The following TENM2 variants were observed in gnomAD, a reference collection of about 807,000 sequenced individuals.
TENM2 encodes teneurin-2.
TENM2 carries 52 observed loss-of-function variants against 245.2 expected under a neutral mutation model. The observed-to-expected ratio is 0.21, with a 90% CI of 0.17 to 0.27. TENM2 has a LOEUF of 0.27. Among genes scored for constraint, TENM2 ranks in the 10% least tolerant of loss-of-function variants. TENM2 has a pLI of 1.00. For synonymous variants in TENM2, 1,363 were observed against 1,438.9 expected (o/e 0.95, Z 1.19); for missense variants, 3,046 against 3,666.8 (o/e 0.83, Z 4.37).
intron 5 of TENM2, among the ~76,000 whole-genome samples, chr5:168,035,692 C>T (rs751974538): frequency 3.9e-5 from 6 of 152,070 alleles, no homozygotes; most frequent in Non-Finnish European, 8.8e-5. Context: ...GATCTGAGGG[C>T]ACCGATTCAA....
the TENM2 span, among the ~76,000 whole-genome samples, chr5:166,981,577 G>A: frequency 6.6e-6 from 1 of 152,152 alleles, no homozygotes; most frequent in African/African-American, 2.4e-5. Context: ...ACATGTGTAG[G>A]AAAAGATAAC....
the TENM2 span, among the ~76,000 whole-genome samples, chr5:167,005,655 GTTTTTTTTTTT>G: frequency 1.9e-5 from 1 of 52,976 alleles, no homozygotes; most frequent in African/African-American, 8.4e-5. Context: ...CTGTGTGTGG[GTTTTTTTTTTT>G]TTTTTTTTTT....
At chr5:167,811,268 C>T (rs1255060795) in intron 2 of TENM2, among the ~76,000 whole-genome samples, 1 of 152,058 alleles carries the variant, frequency 6.6e-6, no homozygotes, top group East Asian at 1.9e-4. Flanking sequence ...GAGGTGGGGT[C>T]AGATGGGAGG....
chr5:167,883,971 A>G (rs893973022), intron 3 of TENM2, among the ~76,000 whole-genome samples: 8 of 152,220 alleles, frequency 5.3e-5, no homozygotes, highest in Non-Finnish European at 7.4e-5. Context: ...CAAAATAATC[A>G]TGAAGAGTGT....
chr5:166,988,050 A>G, the TENM2 span, among the ~76,000 whole-genome samples: 2 of 152,212 alleles, frequency 1.3e-5, no homozygotes, highest in Non-Finnish European at 2.9e-5. Context: ...CACCAGGTGA[A>G]TAGCTCTGAA....
chr5:167,132,724 T>C, the TENM2 span, among the ~76,000 whole-genome samples: 6 of 152,198 alleles, frequency 3.9e-5, no homozygotes, highest in Non-Finnish European at 8.8e-5. Context: ...ACTCAGTAAG[T>C]TCGGTGAAAT....
At chr5:167,555,339 T>C (rs1773200717) in intron 2 of TENM2, among the ~76,000 whole-genome samples, 1 of 152,226 alleles carries the variant, frequency 6.6e-6, no homozygotes, top group South Asian at 2.1e-4. Flanking sequence ...GTGTTTAACA[T>C]TTGAAGCTTA....
chr5:168,261,934 G>A (rs1768223879), intron 28 of TENM2, 115 bp from the exon 31 acceptor site: 1 of 1,027,434 alleles, frequency 9.7e-7, no homozygotes, highest in Admixed American at 2.5e-5. Context: ...CTCAGATCTG[G>A]ATAGACCCAA....
At chr5:167,327,565 A>G (rs1375457214) in intron 1 of TENM2, among the ~76,000 whole-genome samples, 2 of 152,234 alleles carry the variant, frequency 1.3e-5, no homozygotes, top group East Asian at 3.9e-4. Flanking sequence ...GAAGAAAAAC[A>G]GGGATTAACA....
chr5:167,080,489 T>G, the TENM2 span, among the ~76,000 whole-genome samples: 1 of 152,204 alleles, frequency 6.6e-6, no homozygotes, highest in African/African-American at 2.4e-5. Context: ...AGGAACAATT[T>G]CTTCCACTCC....
At chr5:167,608,708 CG>C (rs1777234298) in intron 2 of TENM2, among the ~76,000 whole-genome samples, 1 of 152,162 alleles carries the variant, frequency 6.6e-6, no homozygotes, top group East Asian at 1.9e-4. Flanking sequence ...CTTGTTGCTT[CG>C]TGTCTCACAG....
chr5:167,564,192 G>T (rs1334744390), intron 2 of TENM2, among the ~76,000 whole-genome samples: 1 of 152,216 alleles, frequency 6.6e-6, no homozygotes, highest in African/African-American at 2.4e-5. Flanking sequence ...GGAGAATTGG[G>T]GGCAAGGAGA....
At chr5:168,170,221 C>T (rs1288192992) in intron 13 of TENM2, among the ~76,000 whole-genome samples, 1 of 152,112 alleles carries the variant, frequency 6.6e-6, no homozygotes, top group Non-Finnish European at 1.5e-5. Context: ...AAGATAGAAC[C>T]AGCTGCGCAC....
chr5:167,677,959 G>A (rs548424367), intron 2 of TENM2, among the ~76,000 whole-genome samples: 161 of 151,768 alleles, frequency 1.1e-3, no homozygotes, highest in Non-Finnish European at 1.5e-3. Context: ...ATATGTTGAT[G>A]TAATAAAATA....
At chr5:167,803,195 T>C (rs1157554139) in intron 2 of TENM2, among the ~76,000 whole-genome samples, 1 of 152,120 alleles carries the variant, frequency 6.6e-6, no homozygotes, top group Non-Finnish European at 1.5e-5. Flanking sequence ...TTCTCTTATA[T>C]GGCCATTTAC....
At chr5:167,651,548 A>C (rs1754463785) in intron 2 of TENM2, among the ~76,000 whole-genome samples, 1 of 152,104 alleles carries the variant, frequency 6.6e-6, no homozygotes, top group Non-Finnish European at 1.5e-5. Context: ...AATAAGTAAC[A>C]TGACCCGAGA....
intron 2 of TENM2, among the ~76,000 whole-genome samples, chr5:167,561,545 T>G (rs536438897): frequency 4.6e-5 from 7 of 152,314 alleles, no homozygotes; most frequent in African/African-American, 1.4e-4. Flanking sequence ...ATAAATGTCC[T>G]TACAGCTGGT....
intron 6 of TENM2, among the ~76,000 whole-genome samples, chr5:168,057,656 A>G (rs1789667539): frequency 6.6e-6 from 1 of 152,058 alleles, no homozygotes; most frequent in African/African-American, 2.4e-5. Context: ...CACCTCTCCC[A>G]GTTTGTTTGT....
chr5:168,170,248 A>G (rs1387821125), intron 13 of TENM2, among the ~76,000 whole-genome samples: 1 of 152,230 alleles, frequency 6.6e-6, no homozygotes, highest in East Asian at 1.9e-4. Flanking sequence ...TCACACCTGT[A>G]ATCCCAGCAC....
Sources: allele counts gnomAD v4.1 joint callset (sites outside exome capture counted in the v4.1 genomes callset), GRCh38; gene constraint gnomAD v4.1.1; transcripts MANE v1.5; gene names NCBI Gene and HGNC (gene_info 2026-07-23, HGNC 2026-07-21).